Variants in ATRIP observed in about 807,000 individuals in gnomAD.
The protein encoded by ATRIP is ATR interacting protein.
In ATRIP, 44 loss-of-function variants were observed where a neutral mutation model predicts 78.1. The observed-to-expected ratio is 0.56, with a 90% CI of 0.44 to 0.72. The LOEUF is 0.72. Among genes scored for constraint, ATRIP ranks in the 30% least tolerant of loss-of-function variants. ATRIP has a pLI of 0.00. For synonymous variants in ATRIP, 388 were observed against 408.9 expected (o/e 0.95, Z 0.62); for missense variants, 927 against 980.2 (o/e 0.95, Z 0.72).
intron 6 of ATRIP, 148 bp from the exon 7 acceptor site, chr3:48,459,639 A>C (rs2040046022): frequency 8.3e-7 from 1 of 1,198,972 alleles, no homozygotes; most frequent in African/African-American, 1.5e-5. Context: ...TATGTCCCAG[A>C]GCCTTCCGCA....
chr3:48,449,484 A>G (rs527239360), intron 1 of ATRIP, among the ~76,000 whole-genome samples: 18 of 150,596 alleles, frequency 1.2e-4, no homozygotes, highest in East Asian at 5.8e-4. Context: ...AAAAACATCT[A>G]TATTGCTTAC....
At chr3:48,463,378 C>G (rs530110737) in intron 8 of ATRIP, among the ~76,000 whole-genome samples, 65 of 152,178 alleles carry the variant, frequency 4.3e-4, no homozygotes, top group African/African-American at 1.4e-3. Context: ...CTGGTCAGTC[C>G]TTCTGTGGGC....
intron 4 of ATRIP, among the ~76,000 whole-genome samples, chr3:48,455,959 G>A (rs1167421332): frequency 1.2e-4 from 18 of 151,792 alleles, no homozygotes; most frequent in Admixed American, 1.2e-3. Context: ...TGTCTCTACT[G>A]AAAATATAAA....
In ATRIP at chr3:48,459,716, T is replaced by G. The variant is rs1472480894; in HGVS notation, c.926-71T>G. The G allele has an allele frequency of 1.3e-5, 20 of 1,573,386 alleles. 1 individual carries two copies. The highest frequency in any genetic ancestry group is 7.7e-5 in the Admixed American group (4 of 51,822). ...CAGTTGGCATCCAAAGAATCCTTAC[T>G]GTTTCCTTCTGAAAGCCACCGAAAA... On this transcript the variant is annotated intron_variant, in intron 6 of 12. Transcript: ENST00000320211.
intron 8 of ATRIP, among the ~76,000 whole-genome samples, chr3:48,462,791 G>A (rs1010491541): frequency 6.6e-5 from 10 of 152,190 alleles, no homozygotes; most frequent in African/African-American, 2.4e-4. Flanking sequence ...AGTACCTTCT[G>A]CAAGTGGCAG....
At chr3:48,456,519 GC>G (rs1301025251) in intron 4 of ATRIP, among the ~76,000 whole-genome samples, 3 of 151,150 alleles carry the variant, frequency 2.0e-5, no homozygotes, top group African/African-American at 7.3e-5. Flanking sequence ...AGATCACTAA[GC>G]CCAAGAGGTG....
intron 1 of ATRIP, 93 bp from the exon 2 acceptor site, chr3:48,449,939 AAAAAG>A: frequency 7.3e-7 from 1 of 1,371,024 alleles, no homozygotes; most frequent in Non-Finnish European, 9.9e-7. Flanking sequence ...CCCTATCTCA[AAAAAG>A]AAAAAAAAAA....
In ATRIP at chr3:48,465,698, G is replaced by A. The variant is rs2040265971; in HGVS notation, c.*144G>A. On this transcript the variant is annotated 3_prime_UTR_variant, in exon 13 of 13. Coordinates refer to ENST00000320211, the MANE Select transcript of ATRIP (RefSeq NM_130384.3). ...GTCTGATCTGTTTGGCGGAGTGGGA[G>A]GGGTGGAGCAGGACCCGGACCCTGA... 1.2e-6 allele frequency: 1 copy of A among 825,594 alleles called. No individual in the cohort carries two copies. Among genetic ancestry groups the A allele is most frequent in the South Asian group, 1.6e-5 (1 of 61,222 alleles). 51.1% of individuals were successfully genotyped at this position (825,594 alleles called of 1,614,324 possible). A position where few individuals can be genotyped will look rare whatever the true frequency, so the allele number is the denominator to read the frequency against.
At position 48,460,602 on chromosome 3, in the gene ATRIP, G is replaced by A; in HGVS notation, c.1548G>A (p.Arg516=). ...AAGGAAACAGGAGCCTGGTTCACAG[G>A]CTTAGTGATGGAGATATGACCTCAG... ...AGEGNRSLVH[R]LSDGDMTSAL... is the part of the protein sequence containing the mutation. Residue 516 remains arginine (R), a synonymous_variant, in exon 8 of 13, where the codon AGG becomes AGA. Transcript: ENST00000320211. 1.2e-6 allele frequency: 2 copies of A among 1,614,174 alleles called. No individual in the cohort carries two copies. Among genetic ancestry groups the A allele is most frequent in the Non-Finnish European group, 1.7e-6 (2 of 1,180,030 alleles).
rs879587702 is a variant in ATRIP, at chr3:48,465,848, G to A, written c.*294G>A. The A allele has an allele frequency of 8.0e-5, 29 of 363,768 alleles. No individual in the cohort carries two copies. The highest frequency in any genetic ancestry group is 4.2e-4 in the Admixed American group (10 of 23,664). 22.5% of individuals were successfully genotyped at this position (363,768 alleles called of 1,614,324 possible). A position where few individuals can be genotyped will look rare whatever the true frequency, so the allele number is the denominator to read the frequency against. On this transcript the variant is annotated 3_prime_UTR_variant, in exon 13 of 13. Transcript: ENST00000320211. ...GTCCTGAGTCATTGCTTTGGGCTGGGGCCATGGGAAGAAACCATTGTGTGG... is the reference window on the plus strand; with the variant it reads ...GTCCTGAGTCATTGCTTTGGGCTGGAGCCATGGGAAGAAACCATTGTGTGG...
chr3:48,460,179 G>A lies in ATRIP; in HGVS notation c.1125G>A (p.Leu375=), dbSNP rs139858543. The change falls in exon 8 of 13, where the codon CTG becomes CTA. Residue 375 remains leucine, a synonymous_variant. Transcript: ENST00000320211. ...SYDGSFSLSA[L]REAQNLAFTG... ...ATGGGTCATTTTCCCTCTCAGCCCT[G>A]AGAGAAGCACAGAACCTGGCATTCA... The A allele has an allele frequency of 6.6e-5, 106 of 1,614,090 alleles. No homozygotes were observed. In the African/African-American group the frequency reaches 1.2e-3, roughly 19 times the overall value.
intron 10 of ATRIP, 114 bp from the exon 11 acceptor site, chr3:48,464,467 AT>A (rs1560108967): frequency 7.5e-6 from 9 of 1,207,988 alleles, no homozygotes; most frequent in Non-Finnish European, 1.1e-5. Flanking sequence ...CTTGGACCCC[AT>A]TTGTGCAGAC....
At chr3:48,454,973 C>T (rs1048797353) in intron 4 of ATRIP, among the ~76,000 whole-genome samples, 2 of 151,998 alleles carry the variant, frequency 1.3e-5, no homozygotes, top group African/African-American at 2.4e-5. Context: ...AGCAATTCTC[C>T]TCCTTCAGCC....
chr3:48,459,589 A>C (rs1373842689), intron 6 of ATRIP, 135 bp downstream of exon 6: 1 of 1,154,094 alleles, frequency 8.7e-7, no homozygotes, highest in Non-Finnish European at 1.3e-6. Flanking sequence ...TATGTGGCTT[A>C]AGCAGAAGAC....
At chr3:48,459,080 C>T (rs1411915486) in intron 5 of ATRIP, among the ~76,000 whole-genome samples, 4 of 152,172 alleles carry the variant, frequency 2.6e-5, no homozygotes, top group Admixed American at 6.5e-5. Flanking sequence ...CTGTCTAGCA[C>T]GTAACAAGCA....
At position 48,446,819 on chromosome 3, in the gene ATRIP, G is replaced by A. The variant is rs562482620; in HGVS notation, c.-27G>A. ...CGGCAGGCAAGTCTAGCTCGGCGCTGTCGGATACTTGGGGTGAGCGGAAAG... is the reference window on the plus strand; with the variant it reads ...CGGCAGGCAAGTCTAGCTCGGCGCTATCGGATACTTGGGGTGAGCGGAAAG... On this transcript the variant is annotated 5_prime_UTR_variant, in exon 1 of 13. Coordinates refer to ENST00000320211, the MANE Select transcript of ATRIP (RefSeq NM_130384.3). 7.2e-7 allele frequency: 1 copy of A among 1,386,180 alleles called. No individual in the cohort carries two copies. The highest frequency in any genetic ancestry group is 9.4e-7 in the Non-Finnish European group (1 of 1,069,152). The allele number at this position is 1,386,180 out of a possible 1,614,324, so 85.9% of individuals were successfully genotyped here. A position where few individuals can be genotyped will look rare whatever the true frequency, so the allele number is the denominator to read the frequency against.
chr3:48,460,917 G>C (rs985771079), intron 8 of ATRIP, 118 bp downstream of exon 8: 56 of 1,055,380 alleles, frequency 5.3e-5, no homozygotes, highest in Non-Finnish European at 7.0e-5. Flanking sequence ...TTAGTTCTAA[G>C]GCTTGGTTCA....
Position 48,460,140 on chromosome 3 carries a change from C to T in ATRIP, c.1086C>T (p.Thr362=), listed in dbSNP as rs571666281. 6 of 1,613,380 alleles carry T rather than the reference C, an allele frequency of 3.7e-6. No homozygotes were observed. In the East Asian group the frequency reaches 1.3e-4, roughly 36 times the overall value. ...TGGCTGGAATGTCAGGCCTCAGGAC[C>T]ACAGGTTCTTATGATGGGTCATTTT... is the stretch of plus-strand genomic sequence containing the variant. ...STLAGMSGLR[T]TGSYDGSFSL... Residue 362 remains threonine (T), a synonymous_variant, in exon 8 of 13, where the codon ACC becomes ACT. Transcript: ENST00000320211.
chr3:48,447,003 G>T lies in ATRIP; in HGVS notation c.158G>T (p.Gly53Val). ...CCTGACGACCCGTTCGGCGCGCATG[G>T]GGACTTCACTGCCGACGACCTGGAG... ...PDPDDPFGAH[G>V]DFTADDLEEL... The change falls in exon 1 of 13, where the codon GGG becomes GTG. Residue 53 changes from glycine (G) to valine (V), a missense_variant. Gly to Val is a moderately radical substitution (Grantham distance 109). Coordinates refer to ENST00000320211, the MANE Select transcript of ATRIP (RefSeq NM_130384.3). 1 of 1,579,884 alleles carries T rather than the reference G, an allele frequency of 6.3e-7. No individual in the cohort carries two copies. Among genetic ancestry groups the T allele is most frequent in the African/African-American group, 1.4e-5 (1 of 71,646 alleles).
Sources: gnomAD v4.1 joint callset for allele counts (sites outside exome capture counted in the v4.1 genomes callset) on GRCh38, gnomAD v4.1.1 for gene constraint, MANE v1.5 for transcripts, NCBI Gene and HGNC (gene_info 2026-07-23, HGNC 2026-07-21) for gene names.